Variants in NEK3 observed in about 807,000 individuals in gnomAD.
The protein encoded by NEK3 is NIMA related kinase 3.
In NEK3, 54 loss-of-function variants were observed where a neutral mutation model predicts 66.0. That is an observed-to-expected ratio of 0.82 (90% confidence interval 0.66 to 1.03). The LOEUF (loss-of-function observed/expected upper bound fraction) is 1.03. NEK3 is among the 50% of genes least tolerant of loss of function. The pLI is 0.00. For synonymous variants in NEK3, 200 were observed against 206.2 expected, an observed-to-expected ratio of 0.97 and a Z score of 0.26; for missense variants, 593 against 603.0, an observed-to-expected ratio of 0.98 and a Z score of 0.17.
At chr13:52,134,066 T>G (rs1276929176) in intron 14 of NEK3, among the ~76,000 whole-genome samples, 2 of 152,100 alleles carry the variant, frequency 1.3e-5, no homozygotes, top group African/African-American at 4.8e-5. Context: ...GGTCTCACTC[T>G]GTCACCCAGG....
At chr13:52,145,099 G>C (rs1956283383) in intron 8 of NEK3, among the ~76,000 whole-genome samples, 1 of 152,096 alleles carries the variant, frequency 6.6e-6, no homozygotes. Flanking sequence ...TCCCCATCTA[G>C]AAAAAGTATT....
chr13:52,143,814 C>T (rs3783242), intron 10 of NEK3, 101 bp downstream of exon 10: 429,685 of 681,250 alleles, frequency 0.63, 139,452 homozygotes, highest in Middle Eastern at 0.68. Context: ...GGAGTATCTC[C>T]GATAATCATT....
At chr13:52,158,607 CCCA>C (rs1348580274) in intron 1 of NEK3, among the ~76,000 whole-genome samples, 6 of 152,150 alleles carry the variant, frequency 3.9e-5, no homozygotes, top group Non-Finnish European at 7.4e-5. Flanking sequence ...ATATTTTCTG[CCCA>C]CATTTGCCTG....
At position 52,151,308 on chromosome 13, in the gene NEK3, A is replaced by G. The variant is rs375330920; in HGVS notation, c.461+17T>C. The G allele has an allele frequency of 2.5e-6, 4 of 1,597,604 alleles. No homozygotes were observed. Among genetic ancestry groups the G allele is most frequent in the African/African-American group, 1.3e-5 (1 of 74,752 alleles). Reference sequence around the variant, plus strand: ...ATGTTTTGATTACTGTCACTACCGTAGAACAGACATACATACTTGGAGAGA... The same window carrying G: ...ATGTTTTGATTACTGTCACTACCGTGGAACAGACATACATACTTGGAGAGA... On this transcript the variant is annotated intron_variant, in intron 6 of 15. Coordinates refer to ENST00000610828, the MANE Select transcript of NEK3 (RefSeq NM_002498.3).
intron 12 of NEK3, 140 bp downstream of exon 12, chr13:52,136,660 C>T: frequency 1.8e-6 from 1 of 550,216 alleles, no homozygotes; most frequent in Non-Finnish European, 3.2e-6. Flanking sequence ...TAAAATATTC[C>T]TAAAACATTA....
intron 14 of NEK3, among the ~76,000 whole-genome samples, chr13:52,135,448 A>C (rs1363831211): frequency 4.6e-5 from 7 of 152,210 alleles, no homozygotes; most frequent in Non-Finnish European, 8.8e-5. Context: ...GACTGGCTAG[A>C]AAAGATTAAA....
chr13:52,159,708 G>C (rs1956428684), upstream of NEK3: 1 of 152,288 alleles, frequency 6.6e-6, no homozygotes, highest in African/African-American at 2.4e-5. Flanking sequence ...ACGTTTTAAA[G>C]CTGTTGTTCC....
In NEK3 at chr13:52,148,233, G is replaced by C. The variant is rs1012924202; in HGVS notation, c.603+182C>G. On this transcript the variant is annotated intron_variant, in intron 8 of 15. Transcript: ENST00000610828. Reference sequence around the variant, plus strand: ...TATTGCACAGCCAAACTGAATAATGGAAATTTCCTATTAGTATATGCTACA... The same window carrying C: ...TATTGCACAGCCAAACTGAATAATGCAAATTTCCTATTAGTATATGCTACA... 2.6e-5 allele frequency: 12 copies of C among 466,814 alleles called. No individual in the cohort carries two copies. In the Admixed American group the frequency reaches 3.5e-4, roughly 14 times the overall value. The allele number at this position is 466,814 out of a possible 1,614,324, so 28.9% of individuals were successfully genotyped here. A position where few individuals can be genotyped will look rare whatever the true frequency, so the allele number is the denominator to read the frequency against.
intron 7 of NEK3, among the ~76,000 whole-genome samples, chr13:52,149,438 C>T (rs1156229285): frequency 6.6e-6 from 1 of 152,114 alleles, no homozygotes; most frequent in Non-Finnish European, 1.5e-5. Flanking sequence ...CCAACTATTT[C>T]CCCGTTTAGT....
intron 12 of NEK3, among the ~76,000 whole-genome samples, 191 bp downstream of exon 12, chr13:52,136,607 ACT>A (rs1372961537): frequency 1.3e-5 from 2 of 151,998 alleles, no homozygotes; most frequent in Admixed American, 1.3e-4. Context: ...CTTTCTAATG[ACT>A]CTTACTGATA....
rs1443820743 is a variant in NEK3, at chr13:52,154,126, G to A, written c.165C>T (p.Ala55=). The change falls in exon 3 of 16, where the codon GCC becomes GCT. Residue 55 remains alanine (A), a synonymous_variant. Coordinates refer to ENST00000610828, the MANE Select transcript of NEK3 (RefSeq NM_002498.3). ...QNSRKEAVLL[A]KMKHPNIVAF... is the part of the protein sequence containing the mutation. ...CAACAATATTAGGGTGTTTCATTTTGGCTAAAAGAACAGCCTCCTTCCTAG... is the reference window on the plus strand; with the variant it reads ...CAACAATATTAGGGTGTTTCATTTTAGCTAAAAGAACAGCCTCCTTCCTAG... 5 of 1,611,626 alleles carry A rather than the reference G, an allele frequency of 3.1e-6. No homozygotes were observed. In the Middle Eastern group the frequency reaches 5.0e-4, roughly 160 times the overall value.
intron 8 of NEK3, among the ~76,000 whole-genome samples, chr13:52,145,736 T>C (rs1956290475): frequency 6.6e-6 from 1 of 152,236 alleles, no homozygotes; most frequent in Admixed American, 6.5e-5. Flanking sequence ...AGTAACATTT[T>C]TAAAGTTTTC....
At chr13:52,154,887 G>C (rs1474761855) in intron 2 of NEK3, among the ~76,000 whole-genome samples, 1 of 150,296 alleles carries the variant, frequency 6.7e-6, no homozygotes, top group Non-Finnish European at 1.5e-5. Context: ...GAGCCCAGGA[G>C]TTTGAGCTGC....
chr13:52,145,310 C>T (rs1956285099), intron 8 of NEK3, among the ~76,000 whole-genome samples: 1 of 152,100 alleles, frequency 6.6e-6, no homozygotes, highest in South Asian at 2.1e-4. Context: ...TAGCAACATG[C>T]ACTTCAGACT....
intron 7 of NEK3, 49 bp from the exon 8 acceptor site, chr13:52,148,518 T>C (rs192697149): frequency 1.3e-6 from 2 of 1,520,718 alleles, no homozygotes; most frequent in Admixed American, 3.5e-5. Context: ...ACGTATTTTC[T>C]AGTACAAAAA....
intron 12 of NEK3, 74 bp from the exon 13 acceptor site, chr13:52,136,333 T>C (rs1052562682): frequency 7.2e-7 from 1 of 1,392,888 alleles, no homozygotes; most frequent in Non-Finnish European, 9.9e-7. Flanking sequence ...ACATAGACTC[T>C]AACAAATATG....
chr13:52,148,519 A>G, intron 7 of NEK3, 50 bp from the exon 8 acceptor site: 1 of 1,505,118 alleles, frequency 6.6e-7, no homozygotes, highest in Non-Finnish European at 9.2e-7. Flanking sequence ...CGTATTTTCT[A>G]GTACAAAAAA....
rs1956163271 is a variant in NEK3, at chr13:52,132,690, A to G, written c.*452T>C. 6.5e-6 allele frequency: 1 copy of G among 153,012 alleles called. No homozygotes were observed. Among genetic ancestry groups the G allele is most frequent in the African/African-American group, 2.4e-5 (1 of 41,476 alleles). 9.5% of individuals were successfully genotyped at this position (153,012 alleles called of 1,614,324 possible). ...AATTCTCAAACCTTTAGGAAATGTA[A>G]AAAGAGTCACATAATAATAAACACA... On this transcript the variant is annotated 3_prime_UTR_variant, in exon 16 of 16. Coordinates refer to ENST00000610828, the MANE Select transcript of NEK3 (RefSeq NM_002498.3).
Position 52,133,033 on chromosome 13 carries a change from C to CA in NEK3, c.*108dup, listed in dbSNP as rs1342295808. ...TAAGTATTAAGAGTTTCCTCTGCTT[C>CA]ATTCTGTTTCCAAAGGAAAATATAC... On this transcript the variant is annotated 3_prime_UTR_variant, in exon 16 of 16. Transcript: ENST00000610828. 5.8e-6 allele frequency: 5 copies of CA among 866,932 alleles called. No individual in the cohort carries two copies. Among genetic ancestry groups the CA allele is most frequent in the Non-Finnish European group, 7.4e-6 (4 of 539,614 alleles). 53.7% of individuals were successfully genotyped at this position (866,932 alleles called of 1,614,324 possible).
Sources: gnomAD v4.1 joint callset for allele counts (sites outside exome capture counted in the v4.1 genomes callset) on GRCh38, gnomAD v4.1.1 for gene constraint, MANE v1.5 for transcripts, NCBI Gene and HGNC (gene_info 2026-07-23, HGNC 2026-07-21) for gene names.